ARL10: variants seen among roughly 807,000 people sequenced by gnomAD.
The protein encoded by ARL10 is ARF like GTPase 10, also known as ADP-ribosylation factor-like protein 10.
ARL10 carries 23 observed loss-of-function variants against 26.1 expected under a neutral mutation model. The observed-to-expected ratio is 0.88, with a 90% CI of 0.63 to 1.25. ARL10 has a LOEUF of 1.25. Ranked by LOEUF, ARL10 falls within the 50% of genes most tolerant of loss-of-function variation. The pLI, the probability that ARL10 is intolerant of heterozygous loss-of-function variation, is 0.00. For missense variants in ARL10, 300 were observed against 323.6 expected (o/e 0.93, Z 0.56); for synonymous variants, 138 against 149.1 (o/e 0.93, Z 0.54).
chr5:176,383,267 C>CTGAT (rs1392914787), downstream of ARL10, among the ~76,000 whole-genome samples: 1 of 152,194 alleles, frequency 6.6e-6, no homozygotes, highest in Non-Finnish European at 1.5e-5. Flanking sequence ...CAAGAGACAG[C>CTGAT]TGATAGGCGA....
At chr5:176,384,876 G>A (rs1755707830), downstream of ARL10, 2 of 499,142 alleles carry the variant, frequency 4.0e-6, no homozygotes, top group South Asian at 7.0e-5. Context: ...TTGGGCCCAG[G>A]GGTCCAGTGT....
chr5:176,384,168 C>T (rs1755642466), downstream of ARL10: 1 of 1,614,024 alleles, frequency 6.2e-7, no homozygotes. Context: ...TGCCTTACAC[C>T]CTGGCTCCAG....
chr5:176,371,500 C>T (rs1047003635), intron 3 of ARL10, among the ~76,000 whole-genome samples: 1 of 145,734 alleles, frequency 6.9e-6, no homozygotes, highest in African/African-American at 2.5e-5. Context: ...AACTTGGGGC[C>T]TGATATTCCC....
At position 176,378,291 on chromosome 5, in the gene ARL10, G is replaced by A. The variant is rs1755449773; in HGVS notation, c.*6396G>A. 1 of 152,234 alleles carries A rather than the reference G, an allele frequency of 6.6e-6. No individual in the cohort carries two copies. Among genetic ancestry groups the A allele is most frequent in the African/African-American group, 2.4e-5 (1 of 41,466 alleles). 9.4% of individuals were successfully genotyped at this position (152,234 alleles called of 1,614,324 possible). On this transcript the variant is annotated 3_prime_UTR_variant, in exon 4 of 4. Coordinates refer to ENST00000310389, the MANE Select transcript of ARL10 (RefSeq NM_173664.6). ...AACTGTTTCAGCACTATCTGATTTA[G>A]CATGAAAATCTGCCAGGGCAGTCCC... is the stretch of plus-strand genomic sequence containing the variant.
chr5:176,379,971 G>A lies in ARL10; in HGVS notation c.*8076G>A, dbSNP rs918576233. ...TCTCAATTTTCCAGTACGTTTTTGA[G>A]TATTTTCTCTTGGATTAGTTAAGTC... On this transcript the variant is annotated 3_prime_UTR_variant, in exon 4 of 4. Transcript: ENST00000310389. 4 of 152,184 alleles carry A rather than the reference G, an allele frequency of 2.6e-5. No homozygotes were observed. Among genetic ancestry groups the A allele is most frequent in the Non-Finnish European group, 5.9e-5 (4 of 68,046 alleles). The allele number at this position is 152,184 out of a possible 1,614,324, so 9.4% of individuals were successfully genotyped here.
At chr5:176,388,812 GC>G (rs146436777), downstream of ARL10, 628 of 1,612,988 alleles carry the variant, frequency 3.9e-4, 2 homozygotes, top group African/African-American at 7.4e-3. Flanking sequence ...TGCTGCTGTG[GC>G]CCGGACATGG....
At position 176,376,284 on chromosome 5, in the gene ARL10, C is replaced by T. The variant is rs1028038694; in HGVS notation, c.*4389C>T. 3.4e-5 allele frequency: 5 copies of T among 145,166 alleles called. No homozygotes were observed. In the East Asian group the frequency reaches 6.1e-4, roughly 18 times the overall value. 9.0% of individuals were successfully genotyped at this position (145,166 alleles called of 1,614,324 possible). ...GGCTGAGGCATGAGAATCACTTAAA[C>T]TTGGGAGGCAGAGGTTGCAGTGAGC... On this transcript the variant is annotated 3_prime_UTR_variant, in exon 4 of 4. Coordinates refer to ENST00000310389, the MANE Select transcript of ARL10 (RefSeq NM_173664.6).
chr5:176,412,196 A>T, the ARL10 span, among the ~76,000 whole-genome samples: 1 of 151,244 alleles, frequency 6.6e-6, no homozygotes, highest in South Asian at 2.1e-4. Flanking sequence ...AAAAAAAAGA[A>T]TGCTTTTTTG....
intron 1 of ARL10, chr5:176,386,950 T>C (rs1242873913): frequency 6.4e-7 from 1 of 1,563,404 alleles, no homozygotes; most frequent in African/African-American, 1.4e-5. Context: ...GGATCTTTGA[T>C]GAGGGAAAGT....
chr5:176,397,903 C>T, intron 1 of ARL10: 1 of 1,601,022 alleles, frequency 6.2e-7, no homozygotes. Context: ...GCCCACCCAG[C>T]CAACCCCGCC....
chr5:176,374,082 C>T lies in ARL10; in HGVS notation c.*2187C>T, dbSNP rs56211888. The T allele has an allele frequency of 1.3e-5, 2 of 152,110 alleles. No individual in the cohort carries two copies. The highest frequency in any genetic ancestry group is 2.9e-5 in the Non-Finnish European group (2 of 68,032). The allele number at this position is 152,110 out of a possible 1,614,324, so 9.4% of individuals were successfully genotyped here. A position where few individuals can be genotyped will look rare whatever the true frequency, so the allele number is the denominator to read the frequency against. On this transcript the variant is annotated 3_prime_UTR_variant, in exon 4 of 4. Coordinates refer to ENST00000310389, the MANE Select transcript of ARL10 (RefSeq NM_173664.6). ...TTTGCCTTACCTGAACATGTTTTAG[C>T]AGCCTTCAGCCGACGATTGACTGAA...
At chr5:176,394,791 G>C (rs1290640890) in intron 1 of ARL10, among the ~76,000 whole-genome samples, 1 of 151,920 alleles carries the variant, frequency 6.6e-6, no homozygotes, top group Non-Finnish European at 1.5e-5. Flanking sequence ...CTCCAGCCTG[G>C]GTGACAGAGC....
In ARL10 at chr5:176,378,499, CTT is replaced by C. The variant is rs1239672129; in HGVS notation, c.*6606_*6607del. The stretch of plus-strand genomic sequence containing the variant: ...GGCTCCACTAGAAGTGAGAAACCCT[CTT>C]TGTTTCCATAACATGCCAAAATTGT... On this transcript the variant is annotated 3_prime_UTR_variant, in exon 4 of 4. Coordinates refer to ENST00000310389, the MANE Select transcript of ARL10 (RefSeq NM_173664.6). 4.6e-5 allele frequency: 7 copies of C among 152,338 alleles called. No individual in the cohort carries two copies. The highest frequency in any genetic ancestry group is 1.3e-4 in the Admixed American group (2 of 15,300). 9.4% of individuals were successfully genotyped at this position (152,338 alleles called of 1,614,324 possible).
chr5:176,407,280 A>G, the ARL10 span, among the ~76,000 whole-genome samples: 19 of 152,310 alleles, frequency 1.2e-4, no homozygotes, highest in East Asian at 2.9e-3. Flanking sequence ...TCTTTAGGAA[A>G]GGTAAATGAT....
downstream of ARL10, chr5:176,401,881 C>T: frequency 2.4e-6 from 1 of 421,762 alleles, no homozygotes; most frequent in South Asian, 1.7e-5. Flanking sequence ...CTCTAAAACT[C>T]TCCCTCCTGC....
In ARL10 at chr5:176,366,477, T is replaced by C; in HGVS notation, c.281T>C (p.Leu94Pro). The change falls in exon 2 of 4, where the codon CTG becomes CCG. Residue 94 changes from leucine (L) to proline (P), a missense_variant. Coordinates refer to ENST00000310389, the MANE Select transcript of ARL10 (RefSeq NM_173664.6). ...GATGGCGCAGGCAAGAGCACGTTCC[T>C]GCGCGTGTTGTCGGGGAAGCCACCG... is the stretch of plus-strand genomic sequence containing the variant. ...GLDGAGKSTF[L>P]RVLSGKPPLE... The C allele has an allele frequency of 2.5e-6, 4 of 1,613,992 alleles. No individual in the cohort carries two copies. The highest frequency in any genetic ancestry group is 3.4e-6 in the Non-Finnish European group (4 of 1,180,008).
chr5:176,392,666 A>C, downstream of ARL10: 1 of 1,308,692 alleles, frequency 7.6e-7, no homozygotes, highest in South Asian at 1.3e-5. The surrounding 1 kb of genome is among the most constrained non-coding windows in gnomAD (Gnocchi z 5.2). Context: ...GGAGGAGTGG[A>C]ATAGGCTGTG....
downstream of ARL10, among the ~76,000 whole-genome samples, chr5:176,390,810 A>G (rs1343296833): frequency 1.3e-5 from 2 of 152,178 alleles, no homozygotes; most frequent in African/African-American, 4.8e-5. Context: ...AGTCTGGTAC[A>G]GTGGGAAGAA....
At chr5:176,382,773 GACAC>G (rs946959428), downstream of ARL10, among the ~76,000 whole-genome samples, 1 of 152,140 alleles carries the variant, frequency 6.6e-6, no homozygotes, top group Admixed American at 6.5e-5. Context: ...AAACCTACAA[GACAC>G]ACATGGCCTA....
Sources: gnomAD v4.1 joint callset for allele counts (sites outside exome capture counted in the v4.1 genomes callset) on GRCh38, gnomAD v4.1.1 for gene constraint, Gnocchi (gnomAD v3.1) non-coding constraint, MANE v1.5 for transcripts, NCBI Gene and HGNC (gene_info 2026-07-23, HGNC 2026-07-21) for gene names.